The following TNS1 variants were observed in gnomAD, a reference collection of about 807,000 sequenced individuals.
The protein encoded by TNS1 is tensin-1.
In TNS1, 62 loss-of-function variants were observed where a neutral mutation model predicts 168.6. The ratio of observed to expected loss-of-function variants is 0.37; its 90% CI spans 0.30 to 0.45. The LOEUF (loss-of-function observed/expected upper bound fraction) is 0.45. Ranked by LOEUF, TNS1 falls within the 20% of genes least tolerant of loss-of-function variation. The probability of loss-of-function intolerance (pLI) is 1.00; values close to 1 mark genes in which losing one functional copy is unlikely to be tolerated. For synonymous variants in TNS1, 934 were observed against 933.2 expected, an observed-to-expected ratio of 1.00 and a Z score of -0.02; for missense variants, 2,240 against 2,339.4, an observed-to-expected ratio of 0.96 and a Z score of 0.88.
At chr2:218,010,766 C>T (rs1028130127), upstream of TNS1, among the ~76,000 whole-genome samples, 1 of 152,252 alleles carries the variant, frequency 6.6e-6, no homozygotes, top group East Asian at 1.9e-4. Flanking sequence ...AATGCGGATT[C>T]CCTCCAGAGC....
At chr2:217,868,431 G>A (rs1949480034) in intron 18 of TNS1, among the ~76,000 whole-genome samples, 1 of 152,174 alleles carries the variant, frequency 6.6e-6, no homozygotes. Context: ...CTGCATAGTG[G>A]GAAGAACACT....
At chr2:217,830,438 A>C (rs767720344) in intron 22 of TNS1, 1 of 1,606,800 alleles carries the variant, frequency 6.2e-7, no homozygotes. Flanking sequence ...CCCAGCCCTA[A>C]AACCAGAGTC....
chr2:217,997,818 C>T (rs912755334), intron 1 of TNS1, among the ~76,000 whole-genome samples: 1 of 152,176 alleles, frequency 6.6e-6, no homozygotes, highest in Admixed American at 6.5e-5. Flanking sequence ...GTGAGCGATT[C>T]GTGTTGTCTT....
At position 218,002,866 on chromosome 2, in the gene TNS1, A is replaced by ACGT. The variant is rs1226247326; in HGVS notation, c.4_6dup (p.Thr2dup). 1 of 456,860 alleles carries ACGT rather than the reference A, an allele frequency of 2.2e-6. No individual in the cohort carries two copies. Among genetic ancestry groups the ACGT allele is most frequent in the Admixed American group, 2.3e-5 (1 of 42,574 alleles). The allele number at this position is 456,860 out of a possible 1,614,324, so 28.3% of individuals were successfully genotyped here. A position where few individuals can be genotyped will look rare whatever the true frequency, so the allele number is the denominator to read the frequency against. ...CAGAGCATGCAGGACAGACAGATCC[A>ACGT]CGTCATCTTTGCTGGGTCCCGTCAC... is the stretch of plus-strand genomic sequence containing the variant. On this transcript the variant is annotated inframe_insertion, in exon 1 of 33. Coordinates refer to ENST00000682258, the MANE Select transcript of TNS1 (RefSeq NM_001387777.1).
intron 18 of TNS1, among the ~76,000 whole-genome samples, chr2:217,870,028 G>T (rs1219748023): frequency 6.6e-6 from 1 of 152,124 alleles, no homozygotes; most frequent in African/African-American, 2.4e-5. Flanking sequence ...AGTCAGATTT[G>T]ATTGTTTCTC....
chr2:217,875,036 C>T (rs1950094600), intron 18 of TNS1, among the ~76,000 whole-genome samples: 1 of 152,172 alleles, frequency 6.6e-6, no homozygotes, highest in South Asian at 2.1e-4. Context: ...GGGTGTTTGG[C>T]TTGTTTTGGC....
intron 7 of TNS1, among the ~76,000 whole-genome samples, chr2:217,899,206 G>A (rs964089185): frequency 3.3e-5 from 5 of 152,188 alleles, no homozygotes; most frequent in Non-Finnish European, 7.3e-5. Flanking sequence ...GATGAGGCAT[G>A]GCAGGACCTC....
intron 3 of TNS1, among the ~76,000 whole-genome samples, chr2:217,930,867 C>T (rs1030341680): frequency 2.0e-5 from 3 of 152,152 alleles, no homozygotes; most frequent in Non-Finnish European, 4.4e-5. Context: ...CTGACCTATT[C>T]TGAAGCAGGG....
chr2:217,810,180 G>A, intron 29 of TNS1, 68 bp downstream of exon 29: 2 of 1,566,408 alleles, frequency 1.3e-6, no homozygotes, highest in Non-Finnish European at 1.8e-6. Context: ...TGCACGTGCA[G>A]GAGGGGTCAG....
chr2:217,814,905 C>T lies in TNS1; in HGVS notation c.4729+7G>A, dbSNP rs1422531561. Reference sequence around the variant, plus strand: ...GCCTCTGATGCACCACAGAGCCCAGCACTCACCCTGCTCCCTGGAGATCTC... The same window carrying T: ...GCCTCTGATGCACCACAGAGCCCAGTACTCACCCTGCTCCCTGGAGATCTC... On this transcript the variant is annotated splice_region_variant and intron_variant, in intron 25 of 32. Transcript: ENST00000682258. The T allele has an allele frequency of 6.2e-7, 1 of 1,611,586 alleles. No homozygotes were observed. Among genetic ancestry groups the T allele is most frequent in the Non-Finnish European group, 8.5e-7 (1 of 1,178,730 alleles).
intron 19 of TNS1, among the ~76,000 whole-genome samples, chr2:217,837,540 TG>T (rs1297615619): frequency 1.3e-5 from 2 of 151,618 alleles, no homozygotes; most frequent in Admixed American, 1.3e-4. Context: ...TAATCGGGGG[TG>T]GGGGGCGCAT....
intron 19 of TNS1, among the ~76,000 whole-genome samples, chr2:217,839,141 A>G (rs1366218251): frequency 1.3e-5 from 2 of 152,094 alleles, no homozygotes; most frequent in East Asian, 1.9e-4. Context: ...TAGTGGGGCC[A>G]CTGGGTCACC....
chr2:217,840,734 C>A (rs758352905), intron 19 of TNS1, among the ~76,000 whole-genome samples: 21 of 152,268 alleles, frequency 1.4e-4, no homozygotes, highest in Non-Finnish European at 2.9e-5. Context: ...CCTAGCCCTG[C>A]AGCCCAGGCA....
At position 217,831,570 on chromosome 2, in the gene TNS1, G is replaced by C. The variant is rs527937090; in HGVS notation, c.3281-23C>G. 2.4e-5 allele frequency: 35 copies of C among 1,455,584 alleles called. No homozygotes were observed. The Admixed American group carries it at 8.4e-4, about 35-fold the overall frequency. 90.2% of individuals were successfully genotyped at this position (1,455,584 alleles called of 1,614,324 possible). ...GCACTGTGCCAGGAAGAAGAGGGGA[G>C]ACACAGGGAGTGAGAGGTGGGCAGG... On this transcript the variant is annotated intron_variant, in intron 21 of 32. Transcript: ENST00000682258.
intron 18 of TNS1, among the ~76,000 whole-genome samples, chr2:217,856,196 G>A (rs187764201): frequency 1.3e-5 from 2 of 152,340 alleles, no homozygotes; most frequent in East Asian, 1.9e-4. Flanking sequence ...GGCACACTGA[G>A]TGGAAGCTTT....
At chr2:218,013,119 G>T (rs1159100952), upstream of TNS1, among the ~76,000 whole-genome samples, 4 of 151,998 alleles carry the variant, frequency 2.6e-5, no homozygotes, top group African/African-American at 7.3e-5. Context: ...AGCGGTGCGT[G>T]GTGGCAGGTA....
chr2:217,848,099 G>A lies in TNS1; in HGVS notation c.2418C>T (p.Ser806=). 2.6e-6 allele frequency: 4 copies of A among 1,566,706 alleles called. No individual in the cohort carries two copies. The highest frequency in any genetic ancestry group is 2.6e-6 in the Non-Finnish European group (3 of 1,157,078). Residue 806 remains serine (S), a synonymous_variant, in exon 19 of 33, where the codon AGC becomes AGT. Transcript: ENST00000682258. ...TGGGGGTCTCTGCCAATGGCTGAGG[G>A]CTGGGCCTGCTGGCTACAAGACTCT... ...HLESLVASRP[S]PQPLAETPIP...
chr2:218,016,270 C>A (rs934047), intron 1 of TNS1, among the ~76,000 whole-genome samples: 5 of 152,054 alleles, frequency 3.3e-5, no homozygotes, highest in Non-Finnish European at 7.4e-5. Flanking sequence ...GCTCCCAGTC[C>A]TGGGATCCAA....
intron 1 of TNS1, among the ~76,000 whole-genome samples, chr2:218,017,790 C>A (rs893870744): frequency 2.6e-5 from 4 of 152,212 alleles, no homozygotes; most frequent in Non-Finnish European, 5.9e-5. Flanking sequence ...CATCGAGGTA[C>A]CCTCGGGAGC....
Sources: allele counts gnomAD v4.1 joint callset (sites outside exome capture counted in the v4.1 genomes callset), GRCh38; gene constraint gnomAD v4.1.1; transcripts MANE v1.5; gene names NCBI Gene and HGNC (gene_info 2026-07-23, HGNC 2026-07-21).